RALGPS1: variants seen among roughly 807,000 people sequenced by gnomAD.
RALGPS1 encodes Ral GEF with PH domain and SH3 binding motif 1, also known as ras-specific guanine nucleotide-releasing factor RalGPS1.
RALGPS1 carries 19 observed loss-of-function variants against 78.8 expected under a neutral mutation model. The ratio of observed to expected loss-of-function variants is 0.24; its 90% CI spans 0.17 to 0.35. The LOEUF (loss-of-function observed/expected upper bound fraction) is 0.35, where lower values mean the gene tolerates loss of function less well. RALGPS1 is among the 10% of genes least tolerant of loss of function. The pLI, the probability that RALGPS1 is intolerant of heterozygous loss-of-function variation, is 1.00. For synonymous variants in RALGPS1, 228 were observed against 256.3 expected (o/e 0.89, Z 1.06); for missense variants, 454 against 688.3 (o/e 0.66, Z 3.81).
At chr9:127,168,559 GGAA>G (rs2059406695) in intron 9 of RALGPS1, 117 bp from the exon 10 acceptor site, 8 of 743,170 alleles carry the variant, frequency 1.1e-5, no homozygotes, top group Non-Finnish European at 4.7e-6. Flanking sequence ...AGCAACTGCT[GGAA>G]GAGTGAATGA....
rs1163116649 is a variant in RALGPS1, at chr9:127,000,534, C to CTTTTTTTTT, written c.216+22812_216+22820dup. Reference sequence around the variant, plus strand: ...TCCTGCTATTGATTTCTTGTCTTGTCTTTTTTTTTTTTTTTTTTTTTTTTT... The same window carrying CTTTTTTTTT: ...TCCTGCTATTGATTTCTTGTCTTGTCTTTTTTTTTTTTTTTTTTTTTTTTTTTTTTTTTT... On this transcript the variant is annotated intron_variant, in intron 4 of 18. Transcript: ENST00000259351. 3.6e-4 allele frequency among the ~76,000 whole-genome samples: 12 copies of CTTTTTTTTT among 33,334 alleles called. 2 individuals are homozygous for CTTTTTTTTT. The highest frequency in any genetic ancestry group is 9.3e-4 in the African/African-American group (5 of 5,374). 21.9% of individuals were successfully genotyped at this position (33,334 alleles called of 152,430 possible). A position where few individuals can be genotyped will look rare whatever the true frequency, so the allele number is the denominator to read the frequency against.
intron 8 of RALGPS1, among the ~76,000 whole-genome samples, chr9:127,133,964 G>T (rs1367422450): frequency 6.6e-6 from 1 of 151,688 alleles, no homozygotes; most frequent in East Asian, 1.9e-4. Context: ...GGCTGCTCCG[G>T]ATAATGCCCA....
chr9:126,919,740 A>C (rs957119781), intron 1 of RALGPS1, among the ~76,000 whole-genome samples: 1 of 152,192 alleles, frequency 6.6e-6, no homozygotes, highest in Non-Finnish European at 1.5e-5. Context: ...CTTTGTGAGC[A>C]GATATTTACT....
chr9:127,179,114 T>C (rs1033310360), intron 11 of RALGPS1, among the ~76,000 whole-genome samples: 9 of 152,232 alleles, frequency 5.9e-5, no homozygotes, highest in African/African-American at 2.2e-4. Context: ...GAAGTGCTGA[T>C]GCTGGCAGTT....
chr9:127,040,300 C>G (rs2047183874), intron 5 of RALGPS1, among the ~76,000 whole-genome samples: 1 of 152,076 alleles, frequency 6.6e-6, no homozygotes, highest in Non-Finnish European at 1.5e-5. Flanking sequence ...ACTTGGGAGG[C>G]TGAGGCAGGA....
chr9:127,187,347 G>A (rs998506480), intron 11 of RALGPS1, among the ~76,000 whole-genome samples: 5 of 151,930 alleles, frequency 3.3e-5, no homozygotes, highest in African/African-American at 9.7e-5. Flanking sequence ...TCTGACCAGC[G>A]CCTGACCTCT....
chr9:127,187,340 G>C (rs1465546728), intron 11 of RALGPS1, among the ~76,000 whole-genome samples: 1 of 151,994 alleles, frequency 6.6e-6, no homozygotes, highest in African/African-American at 2.4e-5. Flanking sequence ...CTCATGTTCT[G>C]ACCAGCGCCT....
chr9:127,175,139 G>T (rs1409239531), intron 11 of RALGPS1, among the ~76,000 whole-genome samples: 2 of 152,252 alleles, frequency 1.3e-5, no homozygotes, highest in Admixed American at 6.5e-5. Flanking sequence ...CCCAGGCTTG[G>T]GTTTATGTGC....
chr9:127,121,327 C>A (rs187130873), intron 8 of RALGPS1, among the ~76,000 whole-genome samples: 1 of 152,340 alleles, frequency 6.6e-6, no homozygotes, highest in East Asian at 1.9e-4. Flanking sequence ...GGTAGAAGAG[C>A]TGGGATTTGA....
At chr9:127,200,814 C>A (rs1588524959) in intron 14 of RALGPS1, among the ~76,000 whole-genome samples, 1 of 152,208 alleles carries the variant, frequency 6.6e-6, no homozygotes. Flanking sequence ...TACAGGCAGG[C>A]CAGCACCTCC....
intron 1 of RALGPS1, among the ~76,000 whole-genome samples, chr9:126,951,449 A>T (rs1207027091): frequency 6.6e-6 from 1 of 151,766 alleles, no homozygotes; most frequent in Non-Finnish European, 1.5e-5. Flanking sequence ...ATCCAGCAGC[A>T]CATCAAAAAG....
intron 11 of RALGPS1, among the ~76,000 whole-genome samples, chr9:127,188,843 A>T (rs2060844829): frequency 4.7e-5 from 7 of 148,294 alleles, no homozygotes. Flanking sequence ...AAAAAAAAAA[A>T]AAAAAATGTA....
intron 8 of RALGPS1, among the ~76,000 whole-genome samples, chr9:127,154,571 G>C (rs1347752329): frequency 6.6e-6 from 1 of 152,188 alleles, no homozygotes; most frequent in Non-Finnish European, 1.5e-5. Flanking sequence ...AATCAGTTTC[G>C]ATCTAGCTAA....
chr9:127,167,706 C>T (rs571305518), intron 9 of RALGPS1, among the ~76,000 whole-genome samples: 45 of 152,340 alleles, frequency 3.0e-4, no homozygotes, highest in African/African-American at 1.0e-3. Context: ...CTCAGAATCT[C>T]GCTATGAAAG....
chr9:127,050,084 T>G lies in RALGPS1; in HGVS notation c.342T>G (p.Thr114=), dbSNP rs761075193. The G allele has an allele frequency of 6.2e-7, 1 of 1,614,098 alleles. No individual in the cohort carries two copies. The highest frequency in any genetic ancestry group is 2.2e-5 in the East Asian group (1 of 44,886). ...WVVREILTAQ[T]LKIRAEILSH... ...TACGAGAAATTCTAACAGCACAGAC[T>G]TTAAAAATAAGGGCAGAAATCCTCA... The change falls in exon 6 of 19, where the codon ACT becomes ACG. Residue 114 remains threonine, a synonymous_variant. Coordinates refer to ENST00000259351, the MANE Select transcript of RALGPS1 (RefSeq NM_014636.3).
intron 7 of RALGPS1, among the ~76,000 whole-genome samples, chr9:127,067,861 A>G (rs2049854489): frequency 6.6e-6 from 1 of 152,080 alleles, no homozygotes. Flanking sequence ...TCCTCCTTTT[A>G]AGCCTGGCCT....
chr9:127,126,370 T>A (rs753795792), intron 8 of RALGPS1, among the ~76,000 whole-genome samples: 1 of 152,214 alleles, frequency 6.6e-6, no homozygotes, highest in Non-Finnish European at 1.5e-5. Flanking sequence ...TTGCCTTTAT[T>A]CCATGTGGGT....
Position 127,212,216 on chromosome 9 carries a change from A to G in RALGPS1, c.1333A>G (p.Lys445Glu). The change falls in exon 15 of 19, where the codon AAG becomes GAG. Residue 445 changes from lysine to glutamate, a missense_variant. Transcript: ENST00000259351. The surrounding 1 kb of genome is among the most constrained non-coding windows in gnomAD (Gnocchi z 6.0). Reference protein sequence around the residue: ...EGPLRRKTLLKEGRKPALSSW... With the variant: ...EGPLRRKTLLEEGRKPALSSW... Reference sequence around the variant, plus strand: ...GCCTCTGAGAAGAAAAACCCTGCTCAAGGAAGGGCGGAAGCCTGCGGTAAG... The same window carrying G: ...GCCTCTGAGAAGAAAAACCCTGCTCGAGGAAGGGCGGAAGCCTGCGGTAAG... 6.2e-7 allele frequency: 1 copy of G among 1,613,640 alleles called. No individual in the cohort carries two copies. The highest frequency in any genetic ancestry group is 8.5e-7 in the Non-Finnish European group (1 of 1,179,796).
rs897847630 is a variant in RALGPS1, at chr9:127,205,772, A to C, written c.1248-6359A>C. Reference sequence around the variant, plus strand: ...CTCATGGCAACTTGGGATGCCTCCCAGGTTTACATGTGATAGTTTCGCCCA... The same window carrying C: ...CTCATGGCAACTTGGGATGCCTCCCCGGTTTACATGTGATAGTTTCGCCCA... On this transcript the variant is annotated intron_variant, in intron 14 of 18. Coordinates refer to ENST00000259351, the MANE Select transcript of RALGPS1 (RefSeq NM_014636.3). This position sits in a 1 kb window ranked among gnomAD's most constrained non-coding sequence, Gnocchi z 4.0. 6.6e-6 allele frequency among the ~76,000 whole-genome samples: 1 copy of C among 152,210 alleles called. No homozygotes were observed. Among genetic ancestry groups the C allele is most frequent in the Admixed American group, 6.5e-5 (1 of 15,278 alleles).
Sources: allele counts gnomAD v4.1 joint callset (sites outside exome capture counted in the v4.1 genomes callset), GRCh38; gene constraint gnomAD v4.1.1; non-coding constraint Gnocchi (gnomAD v3.1); transcripts MANE v1.5; gene names NCBI Gene and HGNC (gene_info 2026-07-23, HGNC 2026-07-21).